Variants in MYO10 observed in about 807,000 individuals in gnomAD.
MYO10 encodes the protein unconventional myosin-X.
Under a neutral mutation model 257.3 loss-of-function variants are expected in MYO10, and 133 were observed. That is an observed-to-expected ratio of 0.52 (90% CI 0.45 to 0.60). The LOEUF is 0.60. Among genes scored for constraint, MYO10 ranks in the 20% least tolerant of loss-of-function variants. The pLI, the probability that MYO10 is intolerant of heterozygous loss-of-function variation, is 0.00. For synonymous variants in MYO10, 1,104 were observed against 1,028.6 expected, an observed-to-expected ratio of 1.07 and a Z score of -1.40; for missense variants, 2,399 against 2,635.7, an observed-to-expected ratio of 0.91 and a Z score of 1.97.
chr5:16,808,872 A>T (rs1742351390), intron 3 of MYO10, among the ~76,000 whole-genome samples: 1 of 152,022 alleles, frequency 6.6e-6, no homozygotes, highest in East Asian at 1.9e-4. Context: ...GGGTTTCACC[A>T]TGTTGGCCAG....
chr5:16,935,471 C>T (rs1475361077), intron 1 of MYO10, among the ~76,000 whole-genome samples: 1 of 152,130 alleles, frequency 6.6e-6, no homozygotes, highest in African/African-American at 2.4e-5. Flanking sequence ...GGCGGATCGC[C>T]CCGCCCGCGC....
rs767446842 is a variant in MYO10 at position 16,763,755 on chromosome 5, C to T, written c.1327G>A (p.Val443Ile). The change falls in exon 13 of 41, where the codon GTT becomes ATT. Residue 443 changes from valine to isoleucine, a missense_variant and splice_region_variant. Around this residue, in one of 3 missense-constraint regions of MYO10, gnomAD observed 337 missense variants for 446.8 expected, o/e 0.75. Transcript: ENST00000513610. ...ATATTGAACTGTTCAAAGTGATTAA[C>T]CTAAGGGGGGAAAGCATTCAATAAG... is the stretch of plus-strand genomic sequence containing the variant. Reference protein sequence around the residue: ...LDIFGFENFEVNHFEQFNINY... With the variant: ...LDIFGFENFEINHFEQFNINY... 1.1e-5 allele frequency: 17 copies of T among 1,554,944 alleles called. No homozygotes were observed. The Admixed American group carries it at 2.9e-4, about 27-fold the overall frequency.
intron 18 of MYO10, among the ~76,000 whole-genome samples, chr5:16,757,814 G>A (rs1033781642): frequency 7.9e-5 from 12 of 152,042 alleles, no homozygotes; most frequent in Non-Finnish European, 1.3e-4. Context: ...ACAGGCATGC[G>A]CCACCGCACC....
intron 17 of MYO10, among the ~76,000 whole-genome samples, chr5:16,759,730 G>A (rs760539993): frequency 9.2e-5 from 14 of 152,120 alleles, no homozygotes; most frequent in Non-Finnish European, 1.6e-4. Flanking sequence ...TTATTTAAAC[G>A]TATCGCATTA....
At chr5:16,845,233 AAACCCTT>A (rs750448074) in intron 2 of MYO10, among the ~76,000 whole-genome samples, 4 of 152,114 alleles carry the variant, frequency 2.6e-5, no homozygotes, top group Non-Finnish European at 4.4e-5. Flanking sequence ...AGAAATTTCC[AAACCCTT>A]AACTGAGACT....
At chr5:16,773,522 T>A (rs73053058) in intron 9 of MYO10, among the ~76,000 whole-genome samples, 3,480 of 152,086 alleles carry the variant, frequency 0.023, 129 homozygotes, top group African/African-American at 0.08. Context: ...ATTCGCCTAG[T>A]GTGCTGGCAT....
At position 16,761,525 on chromosome 5, in the gene MYO10, T is replaced by C. The variant is rs762998027; in HGVS notation, c.1678A>G (p.Ile560Val). 4.3e-6 allele frequency: 7 copies of C among 1,613,390 alleles called. No individual in the cohort carries two copies. The highest frequency in any genetic ancestry group is 5.9e-6 in the Non-Finnish European group (7 of 1,179,520). Residue 560 changes from isoleucine (I) to valine (V), a missense_variant, in exon 17 of 41, where the codon ATC becomes GTC. Physicochemically the swap from Ile to Val is conservative, Grantham distance 29 (BLOSUM62 3). Transcript: ENST00000513610. The part of the protein sequence containing the change: ...AGEVQYDVRG[I>V]LEKNRDTFRD... The stretch of plus-strand genomic sequence containing the variant: ...AATGTATCTCTGTTCTTCTCCAAGA[T>C]ACCTCGGACATCATATTGCACCTAG...
chr5:16,926,001 T>C (rs1414820226), intron 1 of MYO10, among the ~76,000 whole-genome samples: 1 of 152,192 alleles, frequency 6.6e-6, no homozygotes, highest in Non-Finnish European at 1.5e-5. Context: ...TAACATTAAC[T>C]GATTGTACAT....
intron 9 of MYO10, among the ~76,000 whole-genome samples, chr5:16,777,835 CTAACTT>C (rs1237372816): frequency 1.3e-4 from 16 of 123,156 alleles, no homozygotes; most frequent in Admixed American, 4.1e-4. Flanking sequence ...TGCATTGCAT[CTAACTT>C]TTTTTTTTTT....
intron 1 of MYO10, among the ~76,000 whole-genome samples, chr5:16,883,329 G>C (rs1374739693): frequency 3.9e-5 from 6 of 152,130 alleles, no homozygotes; most frequent in Middle Eastern, 3.2e-3. Context: ...AGCAACAGAG[G>C]TGTTGAGAAA....
intron 19 of MYO10, among the ~76,000 whole-genome samples, chr5:16,754,592 A>T (rs1385713432): frequency 6.6e-6 from 1 of 152,162 alleles, no homozygotes; most frequent in African/African-American, 2.4e-5. Flanking sequence ...AAGGCTTCAC[A>T]ATGTTTCCTT....
Position 16,793,931 on chromosome 5 carries a change from C to CAAA in MYO10, c.467+712_467+714dup, listed in dbSNP as rs34849998. Among the ~76,000 whole-genome samples the CAAA allele has an allele frequency of 2.6e-3, 338 of 131,848 alleles. 2 individuals are homozygous for CAAA. The highest frequency in any genetic ancestry group is 9.0e-3 in the African/African-American group (318 of 35,164). 86.5% of individuals were successfully genotyped at this position (131,848 alleles called of 152,430 possible). ...GGGCAACAAGAGCGAAACTCCAACT[C>CAAA]AAAAAAAAAAAAAAGAAATTCTACT... On this transcript the variant is annotated intron_variant, in intron 4 of 40. Coordinates refer to ENST00000513610, the MANE Select transcript of MYO10 (RefSeq NM_012334.3).
At position 16,668,358 on chromosome 5, in the gene MYO10, G is replaced by A. The variant is rs1399621448; in HGVS notation, c.5994C>T (p.His1998=). Residue 1998 remains histidine (H), a synonymous_variant, in exon 40 of 41, where the codon CAC becomes CAT. Transcript: ENST00000513610. ...GRPLEVFQYE[H]ILSFGAPLAN... ...CCAGGGGTGCCCCAAAAGAGAGGAT[G>A]TGTTCATACTGGAAGACTTCCAGTG... 1 of 1,613,994 alleles carries A rather than the reference G, an allele frequency of 6.2e-7. No individual in the cohort carries two copies. The highest frequency in any genetic ancestry group is 8.5e-7 in the Non-Finnish European group (1 of 1,179,886).
intron 1 of MYO10, among the ~76,000 whole-genome samples, chr5:16,893,633 C>CAAAAAAAAAAAAA (rs58021066): frequency 1.7e-5 from 1 of 57,218 alleles, no homozygotes; most frequent in Non-Finnish European, 3.7e-5. Flanking sequence ...GACTCTGTCT[C>CAAAAAAAAAAAAA]AAAAAAAAAA....
chr5:16,736,490 G>C lies in MYO10; in HGVS notation c.1929+18338C>G, dbSNP rs756314971. ...CCTCTTTGTTCCTGCATGCTCACAG[G>C]CTGTGTTAGAAGCCTGGAAATCCCA... On this transcript the variant is annotated intron_variant, in intron 19 of 40. Transcript: ENST00000513610. Among the ~76,000 whole-genome samples the C allele has an allele frequency of 1.6e-4, 24 of 152,146 alleles. 1 individual carries two copies. The highest frequency in any genetic ancestry group is 2.4e-4 in the Non-Finnish European group (16 of 68,020).
intron 3 of MYO10, among the ~76,000 whole-genome samples, chr5:16,805,582 G>A (rs545640248): frequency 2.6e-5 from 4 of 152,100 alleles, no homozygotes; most frequent in South Asian, 4.2e-4. Flanking sequence ...CTCCACAAAC[G>A]GCCATGATGA....
chr5:16,731,221 T>C (rs911720233), intron 19 of MYO10, among the ~76,000 whole-genome samples: 1 of 151,890 alleles, frequency 6.6e-6, no homozygotes, highest in Non-Finnish European at 1.5e-5. Context: ...ATTTTTGTAT[T>C]TTTAGTAGAG....
At chr5:16,747,968 A>AG (rs1740257378) in intron 19 of MYO10, among the ~76,000 whole-genome samples, 1 of 150,392 alleles carries the variant, frequency 6.6e-6, no homozygotes. Context: ...AGATACAGGA[A>AG]GAAAAAAAAA....
chr5:16,758,845 A>G (rs1189081262), intron 17 of MYO10, among the ~76,000 whole-genome samples: 1 of 152,168 alleles, frequency 6.6e-6, no homozygotes, highest in South Asian at 2.1e-4. Context: ...CATATCATAT[A>G]TATTGATATT....
Sources: allele counts gnomAD v4.1 joint callset (sites outside exome capture counted in the v4.1 genomes callset), GRCh38; gene constraint gnomAD v4.1.1; regional missense constraint gnomAD v4.1.1; transcripts MANE v1.5; gene names NCBI Gene and HGNC (gene_info 2026-07-23, HGNC 2026-07-21).